Variants in TANC1 observed in about 807,000 individuals in gnomAD.
The protein encoded by TANC1 is tetratricopeptide repeat, ankyrin repeat and coiled-coil containing 1.
Under a neutral mutation model 149.7 loss-of-function variants are expected in TANC1, and 77 were observed. The observed-to-expected ratio is 0.51, with a 90% CI of 0.43 to 0.62. TANC1 has a LOEUF of 0.62. Among genes scored for constraint, TANC1 ranks in the 20% least tolerant of loss-of-function variants. TANC1 has a pLI of 0.00. For missense variants in TANC1, 1,985 were observed against 2,321.8 expected (o/e 0.85, Z 2.98); for synonymous variants, 854 against 925.0 (o/e 0.92, Z 1.39).
At chr2:159,019,651 C>CTTTTTT (rs2038620199) in intron 2 of TANC1, among the ~76,000 whole-genome samples, 8 of 61,280 alleles carry the variant, frequency 1.3e-4, no homozygotes, top group Non-Finnish European at 2.4e-4. Context: ...TGCTTTCTTT[C>CTTTTTT]TGTTTTTTTT....
intron 17 of TANC1, 86 bp from the exon 18 acceptor site, chr2:159,196,522 G>A: frequency 8.7e-7 from 1 of 1,154,584 alleles, no homozygotes; most frequent in South Asian, 1.6e-5. Context: ...ACAGGGAGTG[G>A]GGTTTGCACA....
chr2:159,120,222 G>A (rs1465588973), intron 4 of TANC1, among the ~76,000 whole-genome samples: 1 of 152,206 alleles, frequency 6.6e-6, no homozygotes, highest in Non-Finnish European at 1.5e-5. Context: ...TGTGGGGAAA[G>A]GATGACTGTG....
At chr2:159,136,043 TGTGTGTGCGC>T (rs1243879915) in intron 4 of TANC1, 141 bp from the exon 5 acceptor site, 1 of 214,732 alleles carries the variant, frequency 4.7e-6, no homozygotes, top group South Asian at 3.5e-5. Flanking sequence ...TGTGTGTGTG[TGTGTGTGCGC>T]GCGCGCGCGT....
chr2:159,165,454 G>A (rs563176226), intron 8 of TANC1, among the ~76,000 whole-genome samples: 4 of 152,194 alleles, frequency 2.6e-5, no homozygotes, highest in Non-Finnish European at 4.4e-5. Flanking sequence ...TTGAAAGGAC[G>A]TGAGCAAAGG....
At chr2:158,981,717 C>A (rs574897686) in intron 1 of TANC1, among the ~76,000 whole-genome samples, 1 of 151,172 alleles carries the variant, frequency 6.6e-6, no homozygotes, top group African/African-American at 2.4e-5. Flanking sequence ...GGTAAAGTGG[C>A]CTGGGTGTTA....
rs1271145738 is a variant in TANC1 at position 159,163,485 on chromosome 2, T to G, written c.885T>G (p.Gly295=). 1.2e-6 allele frequency: 2 copies of G among 1,613,648 alleles called. No individual in the cohort carries two copies. The highest frequency in any genetic ancestry group is 1.7e-5 in the Admixed American group (1 of 60,012). ...LPKAESSAGD[G]PVPYSQGSSS... is the part of the protein sequence containing the mutation. ...AAGCAGAATCCTCAGCTGGAGATGGTCCAGTCCCTTATTCTCAGGGCTCCA... is the reference window on the plus strand; with the variant it reads ...AAGCAGAATCCTCAGCTGGAGATGGGCCAGTCCCTTATTCTCAGGGCTCCA... Residue 295 remains glycine, a synonymous_variant, in exon 8 of 27, where the codon GGT becomes GGG. Coordinates refer to ENST00000263635, the MANE Select transcript of TANC1 (RefSeq NM_033394.3).
intron 4 of TANC1, among the ~76,000 whole-genome samples, chr2:159,101,597 G>A (rs1264212241): frequency 4.0e-5 from 6 of 151,098 alleles, no homozygotes; most frequent in South Asian, 2.1e-4. Context: ...TATATTTTCT[G>A]TTAATGAAAA....
At chr2:159,038,061 A>T (rs1574270814) in intron 2 of TANC1, among the ~76,000 whole-genome samples, 1 of 152,052 alleles carries the variant, frequency 6.6e-6, no homozygotes. Context: ...TCCTTGAAGA[A>T]GTCCTTCACA....
At chr2:159,198,852 T>C in intron 18 of TANC1, 123 bp from the exon 19 acceptor site, 1 of 607,252 alleles carries the variant, frequency 1.6e-6, no homozygotes, top group South Asian at 2.3e-5. Context: ...CATTATATTT[T>C]TCTCTCCTTG....
At chr2:159,213,990 G>T (rs1447109722) in intron 19 of TANC1, among the ~76,000 whole-genome samples, 1 of 152,014 alleles carries the variant, frequency 6.6e-6, no homozygotes, top group Non-Finnish European at 1.5e-5. Flanking sequence ...GCCGGGCTTG[G>T]GGGCTCGTGC....
At chr2:159,202,448 G>T (rs777558474) in intron 19 of TANC1, among the ~76,000 whole-genome samples, 2 of 152,132 alleles carry the variant, frequency 1.3e-5, no homozygotes, top group Non-Finnish European at 2.9e-5. Flanking sequence ...AGAGCAGAGG[G>T]CTTAACTTGT....
chr2:159,150,667 G>A, intron 7 of TANC1, 111 bp downstream of exon 7: 1 of 785,128 alleles, frequency 1.3e-6, no homozygotes, highest in Non-Finnish European at 2.1e-6. Flanking sequence ...CAGTCTGCCA[G>A]CGCCTGCTCT....
intron 4 of TANC1, among the ~76,000 whole-genome samples, chr2:159,117,744 C>T (rs931955531): frequency 1.5e-5 from 2 of 133,198 alleles, no homozygotes; most frequent in African/African-American, 5.7e-5. Context: ...AGCTTATTCC[C>T]AATGTCCTTT....
rs536512763 is a variant in TANC1 at position 158,994,876 on chromosome 2, G to A, written c.-125-6204G>A. 3.9e-5 allele frequency among the ~76,000 whole-genome samples: 6 copies of A among 152,324 alleles called. No homozygotes were observed. The East Asian group carries it at 9.6e-4, about 24-fold the overall frequency. ...ATAACTACTGTTTGGAGAAAGAACT[G>A]ATCTGATTTCTTCTTTTTAAACCAG... On this transcript the variant is annotated intron_variant, in intron 1 of 26. Transcript: ENST00000263635.
rs1559507834 is a variant in TANC1, at chr2:159,230,916, T to C, written c.5490T>C (p.Ser1830=). The C allele has an allele frequency of 6.2e-7, 1 of 1,614,156 alleles. No homozygotes were observed. Among genetic ancestry groups the C allele is most frequent in the Admixed American group, 1.7e-5 (1 of 60,028 alleles). Residue 1830 remains serine (S), a synonymous_variant, in exon 27 of 27, where the codon AGT becomes AGC. Coordinates refer to ENST00000263635, the MANE Select transcript of TANC1 (RefSeq NM_033394.3). This position sits in a 1 kb window ranked among gnomAD's most constrained non-coding sequence, Gnocchi z 4.4. Reference sequence around the variant, plus strand: ...CTGTTTCTCATCTGTACCAGGAAAGTATCTCCAAACAGCAGCCTCATATTA... The same window carrying C: ...CTGTTTCTCATCTGTACCAGGAAAGCATCTCCAAACAGCAGCCTCATATTA... ...TKTVSHLYQE[S]ISKQQPHISN...
chr2:159,136,061 C>CGG, intron 4 of TANC1, 133 bp from the exon 5 acceptor site: 19 of 467,442 alleles, frequency 4.1e-5, no homozygotes, highest in Non-Finnish European at 4.6e-5. Context: ...CGCGCGCGCG[C>CGG]GTTTAAGGGA....
rs76265182 is a variant in TANC1 at position 159,206,061 on chromosome 2, TG to T, written c.3244+7010del. On this transcript the variant is annotated intron_variant, in intron 19 of 26. Transcript: ENST00000263635. Reference sequence around the variant, plus strand: ...GAAGGTTCAGTAAGATTAGTGGGCATGGAAGTCCAGACTGCTGTCAGTCAGA... The same window carrying T: ...GAAGGTTCAGTAAGATTAGTGGGCATGAAGTCCAGACTGCTGTCAGTCAGA... 0.031 allele frequency among the ~76,000 whole-genome samples: 4,751 copies of T among 152,290 alleles called. 445 individuals carry two copies. The East Asian group carries it at 0.38, about 12-fold the overall frequency.
chr2:159,044,190 A>T (rs1165259249), intron 2 of TANC1, among the ~76,000 whole-genome samples: 1 of 152,228 alleles, frequency 6.6e-6, no homozygotes, highest in Admixed American at 6.5e-5. Context: ...CTGTAATCCC[A>T]GCACTTTGGG....
At chr2:159,152,463 A>ATTTTTTTTT (rs55894080) in intron 7 of TANC1, among the ~76,000 whole-genome samples, 5 of 118,156 alleles carry the variant, frequency 4.2e-5, no homozygotes, top group Non-Finnish European at 8.8e-5. Context: ...TTATAACCAA[A>ATTTTTTTTT]TTTTTTTTTT....
Sources: gnomAD v4.1 joint callset for allele counts (sites outside exome capture counted in the v4.1 genomes callset) on GRCh38, gnomAD v4.1.1 for gene constraint, Gnocchi (gnomAD v3.1) non-coding constraint, MANE v1.5 for transcripts, NCBI Gene and HGNC (gene_info 2026-07-23, HGNC 2026-07-21) for gene names.